Variants in SLC17A8 observed in about 807,000 individuals in gnomAD.
The protein encoded by SLC17A8 is vesicular glutamate transporter 3.
Under a neutral mutation model 58.0 loss-of-function variants are expected in SLC17A8, and 31 were observed. That is an observed-to-expected ratio of 0.53 (90% CI 0.40 to 0.72). SLC17A8 has a LOEUF of 0.72. Among genes scored for constraint, SLC17A8 ranks in the 30% least tolerant of loss-of-function variants. The probability of loss-of-function intolerance (pLI) is 0.00; values close to 1 mark genes in which losing one functional copy is unlikely to be tolerated. For missense variants in SLC17A8, 655 were observed against 727.8 expected (o/e 0.90, Z 1.15); for synonymous variants, 228 against 249.0 (o/e 0.92, Z 0.79).
intron 10 of SLC17A8, among the ~76,000 whole-genome samples, chr12:100,413,295 T>A (rs1270304496): frequency 6.6e-6 from 1 of 152,148 alleles, no homozygotes; most frequent in Non-Finnish European, 1.5e-5. Context: ...GGATCAGAAG[T>A]TTTTTTAAGA....
intron 2 of SLC17A8, 59 bp from the exon 3 acceptor site, chr12:100,390,942 A>G: frequency 8.7e-7 from 1 of 1,155,800 alleles, no homozygotes; most frequent in Non-Finnish European, 1.3e-6. Context: ...CTCATTGGTA[A>G]AAAATGGTTG....
intron 1 of SLC17A8, among the ~76,000 whole-genome samples, chr12:100,373,635 A>G (rs757485183): frequency 1.6e-5 from 2 of 128,376 alleles, no homozygotes; most frequent in Non-Finnish European, 3.1e-5. Flanking sequence ...CCCAGGCTGG[A>G]GTGCAATGGC....
Position 100,418,011 on chromosome 12 carries a change from G to GT in SLC17A8, c.1298-14dup, listed in dbSNP as rs730880358. On this transcript the variant is annotated splice_polypyrimidine_tract_variant and intron_variant, in intron 10 of 11. Transcript: ENST00000323346. ...TTCTGTTCTTGACTCTGATTTTGAG[G>GT]TTTTGGCTTCACTGTAGGTTTTAAT... The GT allele has an allele frequency of 6.3e-4, 1,023 of 1,614,168 alleles. 11 individuals are homozygous for GT. In the South Asian group the frequency reaches 0.011, roughly 17 times the overall value.
intron 9 of SLC17A8, among the ~76,000 whole-genome samples, chr12:100,405,734 T>A (rs887146606): frequency 6.6e-6 from 1 of 152,194 alleles, no homozygotes; most frequent in South Asian, 2.1e-4. Flanking sequence ...AGAGGTGACA[T>A]CTAATCATTG....
chr12:100,402,358 G>A lies in SLC17A8; in HGVS notation c.782G>A (p.Trp261Ter). 1 of 1,614,072 alleles carries A rather than the reference G, an allele frequency of 6.2e-7. No individual in the cohort carries two copies. The highest frequency in any genetic ancestry group is 8.5e-7 in the Non-Finnish European group (1 of 1,180,008). ...ACTGCAGGCATGTTTGGGATTATTT[G>A]GTACATGTTTTGGCTGTTGCAGGCC... ...FYIYGMFGII[W>*]YMFWLLQAYE... Residue 261 changes from tryptophan (W) to a stop codon, truncating the protein, a stop_gained, in exon 7 of 12, where the codon TGG becomes TAG. Transcript: ENST00000323346. LOFTEE classifies it high-confidence loss of function.
In SLC17A8 at chr12:100,374,520, A is replaced by C. The variant is rs552039263; in HGVS notation, c.102-6181A>C. ...CCAGCTACTCGGGAGGCTGAGGCAC[A>C]AGAATTGCTTGAACCTGGGAGGCGG... On this transcript the variant is annotated intron_variant, in intron 1 of 11. Transcript: ENST00000323346. 7.2e-5 allele frequency among the ~76,000 whole-genome samples: 11 copies of C among 152,192 alleles called. 1 individual carries two copies. Among genetic ancestry groups the C allele is most frequent in the Middle Eastern group, 3.4e-3 (1 of 294 alleles).
intron 1 of SLC17A8, among the ~76,000 whole-genome samples, chr12:100,361,324 C>A (rs7311178): frequency 6.6e-6 from 1 of 152,014 alleles, no homozygotes; most frequent in African/African-American, 2.4e-5. Context: ...CTGGATTCAC[C>A]GGCCTCCTGG....
intron 1 of SLC17A8, among the ~76,000 whole-genome samples, chr12:100,373,104 A>G (rs758129372): frequency 1.3e-5 from 2 of 152,180 alleles, no homozygotes; most frequent in Non-Finnish European, 2.9e-5. Context: ...AACAGAGAGC[A>G]GGCACCTCCC....
chr12:100,370,713 G>C (rs1387043728), intron 1 of SLC17A8, among the ~76,000 whole-genome samples: 2 of 150,632 alleles, frequency 1.3e-5, no homozygotes, highest in Non-Finnish European at 2.9e-5. Flanking sequence ...CTTTCAGCTT[G>C]TCATCTGTGA....
At chr12:100,412,459 A>G (rs1398599430) in intron 9 of SLC17A8, among the ~76,000 whole-genome samples, 2 of 152,126 alleles carry the variant, frequency 1.3e-5, no homozygotes, top group African/African-American at 4.8e-5. Context: ...TACCTAATGC[A>G]TGTGGGGCCC....
intron 4 of SLC17A8, among the ~76,000 whole-genome samples, chr12:100,394,154 A>G (rs973992284): frequency 6.6e-6 from 1 of 152,168 alleles, no homozygotes; most frequent in Non-Finnish European, 1.5e-5. Flanking sequence ...GGGCTATACA[A>G]AAACAGATGG....
chr12:100,380,611 C>T, intron 1 of SLC17A8, 90 bp from the exon 2 acceptor site: 2 of 1,479,460 alleles, frequency 1.4e-6, no homozygotes, highest in Admixed American at 1.9e-5. Flanking sequence ...TGTTTTTCAT[C>T]TGCTGGTACC....
chr12:100,402,247 T>C, intron 6 of SLC17A8, 93 bp from the exon 7 acceptor site: 1 of 1,469,526 alleles, frequency 6.8e-7, no homozygotes, highest in Non-Finnish European at 9.4e-7. Flanking sequence ...TTACCCATTT[T>C]ACCTGAAAAA....
In SLC17A8 at chr12:100,393,405, G is replaced by A; in HGVS notation, c.510G>A (p.Leu170=). 3.7e-6 allele frequency: 6 copies of A among 1,613,772 alleles called. No homozygotes were observed. The highest frequency in any genetic ancestry group is 5.1e-6 in the Non-Finnish European group (6 of 1,179,794). The change falls in exon 4 of 12, where the codon CTG becomes CTA. Residue 170 remains leucine, a synonymous_variant. Transcript: ENST00000323346. ...FGAAIFLTST[L]NMFIPSAARV... ...CTGCCATCTTCTTAACATCGACTCT[G>A]AACATGTTTATTCCCTCTGCAGCCA...
At chr12:100,376,730 G>A (rs1402655705) in intron 1 of SLC17A8, among the ~76,000 whole-genome samples, 1 of 152,194 alleles carries the variant, frequency 6.6e-6, no homozygotes, top group Non-Finnish European at 1.5e-5. Flanking sequence ...TACTGTGGTT[G>A]TTACATATTA....
intron 2 of SLC17A8, 152 bp from the exon 3 acceptor site, chr12:100,390,849 C>T: frequency 3.0e-6 from 2 of 671,234 alleles, no homozygotes; most frequent in Non-Finnish European, 5.5e-6. Flanking sequence ...TTGCTGCTAT[C>T]CCCAAGTATG....
chr12:100,388,579 C>G (rs1952692168), intron 2 of SLC17A8, among the ~76,000 whole-genome samples: 1 of 152,160 alleles, frequency 6.6e-6, no homozygotes, highest in Admixed American at 6.5e-5. Context: ...ACTGTGAGCT[C>G]CTAGAAGGCA....
intron 10 of SLC17A8, among the ~76,000 whole-genome samples, chr12:100,414,014 G>T (rs1952889393): frequency 6.6e-6 from 1 of 151,940 alleles, no homozygotes; most frequent in African/African-American, 2.4e-5. Flanking sequence ...AATAAAAAAT[G>T]GTTACTTAAA....
chr12:100,389,592 A>G (rs1952699343), intron 2 of SLC17A8, among the ~76,000 whole-genome samples: 1 of 150,968 alleles, frequency 6.6e-6, no homozygotes, highest in African/African-American at 2.4e-5. Flanking sequence ...CACACACATT[A>G]TATATATTAT....
Sources: allele counts gnomAD v4.1 joint callset (sites outside exome capture counted in the v4.1 genomes callset), GRCh38; gene constraint gnomAD v4.1.1; transcripts MANE v1.5; gene names NCBI Gene and HGNC (gene_info 2026-07-23, HGNC 2026-07-21).